DLG5: variants seen among roughly 807,000 people sequenced by gnomAD.
The protein encoded by DLG5 is discs large MAGUK scaffold protein 5, also known as disks large homolog 5.
In DLG5, 48 loss-of-function variants were observed where a neutral mutation model predicts 189.8. The ratio of observed to expected loss-of-function variants is 0.25; its 90% CI spans 0.20 to 0.32. The LOEUF is 0.32. Ranked by LOEUF, DLG5 falls within the 10% of genes least tolerant of loss-of-function variation. The probability of loss-of-function intolerance (pLI) is 1.00; values close to 1 mark genes in which losing one functional copy is unlikely to be tolerated. For synonymous variants in DLG5, 1,016 were observed against 1,054.1 expected (o/e 0.96, Z 0.70); for missense variants, 2,160 against 2,544.7 (o/e 0.85, Z 3.25).
chr10:77,852,518 C>T (rs1371558622), intron 5 of DLG5, among the ~76,000 whole-genome samples: 1 of 152,064 alleles, frequency 6.6e-6, no homozygotes, highest in Admixed American at 6.5e-5. Flanking sequence ...CGGGTTCACG[C>T]CATTCTCCTG....
rs888019903 is a variant in DLG5 at position 77,899,684 on chromosome 10, C to T, written c.304+26533G>A. Among the ~76,000 whole-genome samples, 3 of 152,196 alleles carry T rather than the reference C, an allele frequency of 2.0e-5. No individual in the cohort carries two copies. The East Asian group carries it at 5.8e-4, about 29-fold the overall frequency. ...ACCAGACTTGTGCTCAGCAAGTGTC[C>T]ACTCCTATAGGTTCGCTCAGGGGTA... On this transcript the variant is annotated intron_variant, in intron 1 of 31. Transcript: ENST00000372391.
At chr10:77,842,281 T>C in intron 6 of DLG5, 88 bp from the exon 7 acceptor site, 1 of 1,451,870 alleles carries the variant, frequency 6.9e-7, no homozygotes, top group African/African-American at 1.4e-5. Flanking sequence ...CCAGCTCTAC[T>C]GTGCTGGACA....
intron 1 of DLG5, among the ~76,000 whole-genome samples, chr10:77,921,651 G>A (rs1440026770): frequency 1.3e-5 from 2 of 152,154 alleles, no homozygotes; most frequent in African/African-American, 4.8e-5. Flanking sequence ...TCCAGCCTAC[G>A]CAGCCCACAC....
rs1024663173 is a variant in DLG5, at chr10:77,816,637, G to A, written c.3939C>T (p.Ser1313=). 2.5e-6 allele frequency: 4 copies of A among 1,614,170 alleles called. No homozygotes were observed. The highest frequency in any genetic ancestry group is 3.3e-5 in the Admixed American group (2 of 60,024). The change falls in exon 20 of 32, where the codon TCC becomes TCT. Residue 1313 remains serine (S), a synonymous_variant. Transcript: ENST00000372391. ...CTGAGGTCTGGGACTGGCTACAAGA[G>A]GACAGGGTGTCGATGTTCAGGGGTG... ...PQSPLNIDTL[S]SCSQSQTSAS...
chr10:77,849,432 G>A (rs78225556), intron 5 of DLG5, among the ~76,000 whole-genome samples: 116 of 152,312 alleles, frequency 7.6e-4, no homozygotes, highest in African/African-American at 2.5e-3. Flanking sequence ...TCCACTCCAC[G>A]CCTGATGAAG....
At chr10:77,906,608 T>G (rs1279124511) in intron 1 of DLG5, among the ~76,000 whole-genome samples, 1 of 146,704 alleles carries the variant, frequency 6.8e-6, no homozygotes, top group Non-Finnish European at 1.5e-5. Flanking sequence ...GCAACAGTGC[T>G]GCGCTCCACT....
intron 1 of DLG5, among the ~76,000 whole-genome samples, chr10:77,925,713 G>C (rs1439345050): frequency 6.6e-6 from 1 of 152,196 alleles, no homozygotes; most frequent in Non-Finnish European, 1.5e-5. Flanking sequence ...GGAGAGACTG[G>C]GCTCTGAGCA....
At chr10:77,813,572 G>A (rs1007700657) in intron 20 of DLG5, among the ~76,000 whole-genome samples, 5 of 152,058 alleles carry the variant, frequency 3.3e-5, no homozygotes, top group Admixed American at 1.3e-4. Context: ...AATTCAACAC[G>A]GATTACAGCC....
intron 5 of DLG5, among the ~76,000 whole-genome samples, chr10:77,851,498 G>A (rs1230194883): frequency 3.9e-5 from 6 of 152,228 alleles, no homozygotes; most frequent in African/African-American, 1.4e-4. Context: ...GCAGGTGCGA[G>A]AAGGGACAGT....
In DLG5 at chr10:77,926,188, G is replaced by C. The variant is rs761007553; in HGVS notation, c.304+29C>G. The stretch of plus-strand genomic sequence containing the variant: ...AGGGAGAAGCGGAGGGCGCGTCCCA[G>C]AGGCGGGGGCCAAGGGTCTGCCACT... On this transcript the variant is annotated intron_variant, in intron 1 of 31. Coordinates refer to ENST00000372391, the MANE Select transcript of DLG5 (RefSeq NM_004747.4). The surrounding 1 kb of genome is among the most constrained non-coding windows in gnomAD (Gnocchi z 5.2). 1.5e-6 allele frequency: 2 copies of C among 1,366,354 alleles called. No individual in the cohort carries two copies. Among genetic ancestry groups the C allele is most frequent in the African/African-American group, 3.0e-5 (2 of 66,672 alleles). 84.6% of individuals were successfully genotyped at this position (1,366,354 alleles called of 1,614,324 possible). A position where few individuals can be genotyped will look rare whatever the true frequency, so the allele number is the denominator to read the frequency against.
intron 1 of DLG5, among the ~76,000 whole-genome samples, chr10:77,918,065 C>T (rs1438198909): frequency 6.7e-6 from 1 of 150,304 alleles, no homozygotes; most frequent in Non-Finnish European, 1.5e-5. Context: ...TGAATTTGTA[C>T]ACTTAAAAAG....
At chr10:77,841,213 G>A (rs71475686) in intron 7 of DLG5, among the ~76,000 whole-genome samples, 1,990 of 152,282 alleles carry the variant, frequency 0.013, 22 homozygotes, top group Non-Finnish European at 0.021. Context: ...AAGGAGCTCC[G>A]CGATGAGGAG....
intron 1 of DLG5, among the ~76,000 whole-genome samples, chr10:77,898,126 G>T (rs1475095880): frequency 1.3e-5 from 2 of 152,198 alleles, no homozygotes; most frequent in Non-Finnish European, 2.9e-5. Context: ...AGCCAGAACA[G>T]CCTTCTCCAT....
chr10:77,935,461 T>G, the DLG5 span, among the ~76,000 whole-genome samples: 129 of 152,252 alleles, frequency 8.5e-4, 1 homozygote, highest in Non-Finnish European at 1.5e-3. Context: ...ATAAAGATAC[T>G]GGATACAGGG....
At chr10:77,856,995 A>G in intron 2 of DLG5, 103 bp from the exon 3 acceptor site, 2 of 1,088,400 alleles carry the variant, frequency 1.8e-6, no homozygotes, top group Non-Finnish European at 2.6e-6. Flanking sequence ...TCGTGACCCA[A>G]CAAGTGGGTC....
At chr10:77,904,203 A>G (rs1032062758) in intron 1 of DLG5, among the ~76,000 whole-genome samples, 3 of 152,286 alleles carry the variant, frequency 2.0e-5, no homozygotes, top group Admixed American at 2.0e-4. Flanking sequence ...AACAAAAGGA[A>G]AAAGAACATG....
intron 1 of DLG5, among the ~76,000 whole-genome samples, chr10:77,886,671 T>C (rs1233207905): frequency 2.0e-5 from 3 of 152,196 alleles, no homozygotes; most frequent in Non-Finnish European, 4.4e-5. Flanking sequence ...GCTGCTCTTA[T>C]GGGCTGAAGT....
At chr10:77,844,412 GT>G (rs1669187277) in intron 5 of DLG5, among the ~76,000 whole-genome samples, 2 of 152,206 alleles carry the variant, frequency 1.3e-5, no homozygotes, top group African/African-American at 4.8e-5. Flanking sequence ...TGTAATAAAT[GT>G]CAGCCATTGA....
At chr10:77,809,203 T>TTGAG (rs1841632444) in intron 24 of DLG5, among the ~76,000 whole-genome samples, 1 of 152,054 alleles carries the variant, frequency 6.6e-6, no homozygotes, top group South Asian at 2.1e-4. Context: ...GGTCAGGAGT[T>TTGAG]TGAGACCAGC....
Sources: gnomAD v4.1 joint callset for allele counts (sites outside exome capture counted in the v4.1 genomes callset) on GRCh38, gnomAD v4.1.1 for gene constraint, Gnocchi (gnomAD v3.1) non-coding constraint, MANE v1.5 for transcripts, NCBI Gene and HGNC (gene_info 2026-07-23, HGNC 2026-07-21) for gene names.